The following SDC1 variants were observed in gnomAD, a reference collection of about 807,000 sequenced individuals.
SDC1 encodes syndecan 1.
SDC1 carries 14 observed loss-of-function variants against 29.7 expected under a neutral mutation model. The observed-to-expected ratio is 0.47, with a 90% CI of 0.31 to 0.74. The LOEUF is 0.74. Among genes scored for constraint, SDC1 ranks in the 30% least tolerant of loss-of-function variants. SDC1 has a pLI of 0.05. For missense variants in SDC1, 406 were observed against 400.3 expected, an observed-to-expected ratio of 1.01 and a Z score of -0.12; for synonymous variants, 204 against 175.5, an observed-to-expected ratio of 1.16 and a Z score of -1.29.
rs2148278109 is a variant in SDC1 at position 20,203,109 on chromosome 2, C to T, written c.741G>A (p.Leu247=). The T allele has an allele frequency of 6.2e-7, 1 of 1,611,380 alleles. No homozygotes were observed. Among genetic ancestry groups the T allele is most frequent in the South Asian group, 1.1e-5 (1 of 90,942 alleles). The change falls in exon 4 of 5, where the codon CTG becomes CTA. Residue 247 remains leucine (L), a synonymous_variant. Coordinates refer to ENST00000254351, the MANE Select transcript of SDC1 (RefSeq NM_002997.5). ...CACCTCCCAGCACCTCTTTCCTGTC[C>T]AGGAGGCCCTGTGAGGCCCCCGTGG... ...QGATGASQGL[L]DRKEVLGGVI... is the part of the protein sequence containing the mutation.
chr2:20,222,112 G>C (rs56195432), intron 1 of SDC1, among the ~76,000 whole-genome samples: 6,865 of 146,148 alleles, frequency 0.047, 189 homozygotes, highest in Admixed American at 0.086. Context: ...CACACACACA[G>C]AGAGAAAGAG....
rs1676987065 is a variant in SDC1 at position 20,201,005 on chromosome 2, C to T, written c.*1761G>A. ...CTTGGCTTGGTGGTGCATCTCTGAT[C>T]CACAGACTGGCCCACCTCTCGGAGT... On this transcript the variant is annotated 3_prime_UTR_variant, in exon 5 of 5. Coordinates refer to ENST00000254351, the MANE Select transcript of SDC1 (RefSeq NM_002997.5). 5 of 152,276 alleles carry T rather than the reference C, an allele frequency of 3.3e-5. No individual in the cohort carries two copies. Among genetic ancestry groups the T allele is most frequent in the Admixed American group, 2.0e-4 (3 of 15,280 alleles). The allele number at this position is 152,276 out of a possible 1,614,324, so 9.4% of individuals were successfully genotyped here.
chr2:20,209,395 C>T (rs1289004398), intron 1 of SDC1, among the ~76,000 whole-genome samples: 1 of 152,190 alleles, frequency 6.6e-6, no homozygotes, highest in African/African-American at 2.4e-5. Flanking sequence ...TTCTCTCTCC[C>T]CAGCCCTACC....
At position 20,201,288 on chromosome 2, in the gene SDC1, C is replaced by G. The variant is rs1212676595; in HGVS notation, c.*1478G>C. ...TGACATCAGCCTTATAAAACCTTGGCTGAACCTACCGACCTCCAGGAGAAT... is the reference window on the plus strand; with the variant it reads ...TGACATCAGCCTTATAAAACCTTGGGTGAACCTACCGACCTCCAGGAGAAT... On this transcript the variant is annotated 3_prime_UTR_variant, in exon 5 of 5. Coordinates refer to ENST00000254351, the MANE Select transcript of SDC1 (RefSeq NM_002997.5). 6.6e-6 allele frequency: 1 copy of G among 152,208 alleles called. No homozygotes were observed. Among genetic ancestry groups the G allele is most frequent in the African/African-American group, 2.4e-5 (1 of 41,446 alleles). 9.4% of individuals were successfully genotyped at this position (152,208 alleles called of 1,614,324 possible).
chr2:20,203,997 G>A lies in SDC1; in HGVS notation c.443C>T (p.Pro148Leu). The change falls in exon 3 of 5, where the codon CCC becomes CTC. Residue 148 changes from proline to leucine, a missense_variant. Pro to Leu is a moderately conservative substitution (Grantham distance 98, BLOSUM62 -3). Transcript: ENST00000254351. ...GTCCCTGTGGGGGTGGGAGGTGGCG[G>A]GCTCCTGGGCCGTGGTGGCTGTGGT... ...STTTATTAQE[P>L]ATSHPHRDMQ... The A allele has an allele frequency of 1.2e-6, 2 of 1,613,694 alleles. No homozygotes were observed. The highest frequency in any genetic ancestry group is 1.1e-5 in the South Asian group (1 of 91,066).
chr2:20,223,243 A>C (rs764873406), intron 1 of SDC1: 2 of 1,302,060 alleles, frequency 1.5e-6, no homozygotes, highest in Admixed American at 2.3e-5. Flanking sequence ...GGTCTCAGAA[A>C]CGACTGTCCC....
chr2:20,205,958 G>A (rs1677255694), intron 1 of SDC1, among the ~76,000 whole-genome samples: 1 of 152,232 alleles, frequency 6.6e-6, no homozygotes, highest in Non-Finnish European at 1.5e-5. Flanking sequence ...TGTGGATACC[G>A]AGGACGGCAC....
rs1677072408 is a variant in SDC1, at chr2:20,202,829, C to T, written c.870G>A (p.Glu290=). The T allele has an allele frequency of 6.2e-7, 1 of 1,613,722 alleles. No homozygotes were observed. ...AGGCCCCGCCGTTGGCTTGTTTCGGCTCCTCCAAGGAGTAGCTGCCTTCGT... is the reference window on the plus strand; with the variant it reads ...AGGCCCCGCCGTTGGCTTGTTTCGGTTCCTCCAAGGAGTAGCTGCCTTCGT... ...KKDEGSYSLE[E]PKQANGGAYQ... Residue 290 remains glutamate (E), a synonymous_variant, in exon 5 of 5, where the codon GAG becomes GAA. Transcript: ENST00000254351.
At chr2:20,209,644 G>A (rs901356157) in intron 1 of SDC1, among the ~76,000 whole-genome samples, 3 of 152,244 alleles carry the variant, frequency 2.0e-5, no homozygotes, top group South Asian at 2.1e-4. Context: ...TGTGGGCAGA[G>A]AGCTGGCAGA....
chr2:20,221,297 T>A (rs1471477124), intron 1 of SDC1, among the ~76,000 whole-genome samples: 1 of 152,154 alleles, frequency 6.6e-6, no homozygotes, highest in East Asian at 1.9e-4. Flanking sequence ...AGTAACAAAT[T>A]AGAACTGATC....
At chr2:20,223,280 T>C in intron 1 of SDC1, 3 of 1,297,886 alleles carry the variant, frequency 2.3e-6, no homozygotes, top group African/African-American at 3.0e-5. Flanking sequence ...AGACAGACTC[T>C]GTAAAGAAAA....
At position 20,201,631 on chromosome 2, in the gene SDC1, G is replaced by C. The variant is rs965729171; in HGVS notation, c.*1135C>G. 1 of 152,702 alleles carries C rather than the reference G, an allele frequency of 6.5e-6. No individual in the cohort carries two copies. The highest frequency in any genetic ancestry group is 1.9e-4 in the East Asian group (1 of 5,198). The allele number at this position is 152,702 out of a possible 1,614,324, so 9.5% of individuals were successfully genotyped here. ...TTCCTGATTCCAGCCCAGGGCCCAG[G>C]GTGGGGCCACAGGAGCTAACGGAGA... On this transcript the variant is annotated 3_prime_UTR_variant, in exon 5 of 5. Coordinates refer to ENST00000254351, the MANE Select transcript of SDC1 (RefSeq NM_002997.5).
At position 20,224,885 on chromosome 2, in the gene SDC1, CGG is replaced by C; in HGVS notation, c.-20_-19del. The stretch of plus-strand genomic sequence containing the variant: ...CGCCTCATGCTGCCCGGACCGGCGG[CGG>C]GAGAGCGGCAGGCTGCGCGGGTCGC... On this transcript the variant is annotated 5_prime_UTR_variant, in exon 1 of 5. Transcript: ENST00000254351. This position sits in a 1 kb window ranked among gnomAD's most constrained non-coding sequence, Gnocchi z 4.9. 3.3e-6 allele frequency: 4 copies of C among 1,216,998 alleles called. No individual in the cohort carries two copies. The highest frequency in any genetic ancestry group is 4.1e-6 in the Non-Finnish European group (4 of 979,474). The allele number at this position is 1,216,998 out of a possible 1,614,324, so 75.4% of individuals were successfully genotyped here.
chr2:20,212,013 GC>G (rs982094877), intron 1 of SDC1, among the ~76,000 whole-genome samples: 1 of 152,242 alleles, frequency 6.6e-6, no homozygotes, highest in African/African-American at 2.4e-5. Context: ...GCAGCTTTCA[GC>G]CTCTCTCTAG....
At chr2:20,216,008 G>A (rs1451040139) in intron 1 of SDC1, among the ~76,000 whole-genome samples, 1 of 152,254 alleles carries the variant, frequency 6.6e-6, no homozygotes, top group Non-Finnish European at 1.5e-5. Flanking sequence ...CCCACTGCAT[G>A]CCCAGCCTCC....
At chr2:20,213,244 G>A (rs1263513397) in intron 1 of SDC1, among the ~76,000 whole-genome samples, 4 of 152,222 alleles carry the variant, frequency 2.6e-5, no homozygotes, top group East Asian at 3.9e-4. Flanking sequence ...GCGTGGAGCC[G>A]TGGAGCTGGA....
In SDC1 at chr2:20,224,453, G is replaced by A. The variant is rs1426633200; in HGVS notation, c.66+349C>T. On this transcript the variant is annotated intron_variant, in intron 1 of 4. Transcript: ENST00000254351. The surrounding 1 kb of genome is among the most constrained non-coding windows in gnomAD (Gnocchi z 4.9). ...CTGCATCCCCCCGGGTCACCGACGGGGGCCCGGCCGCCGCGGTGGCCGGGG... is the reference window on the plus strand; with the variant it reads ...CTGCATCCCCCCGGGTCACCGACGGAGGCCCGGCCGCCGCGGTGGCCGGGG... 6.6e-6 allele frequency among the ~76,000 whole-genome samples: 1 copy of A among 151,762 alleles called. No homozygotes were observed. The highest frequency in any genetic ancestry group is 1.5e-5 in the Non-Finnish European group (1 of 67,898).
At chr2:20,210,748 C>T (rs963737691) in intron 1 of SDC1, among the ~76,000 whole-genome samples, 1 of 152,154 alleles carries the variant, frequency 6.6e-6, no homozygotes, top group Non-Finnish European at 1.5e-5. Flanking sequence ...GACCAGGGGC[C>T]ATGGCACTGG....
intron 2 of SDC1, among the ~76,000 whole-genome samples, chr2:20,204,671 C>T (rs1323837992): frequency 1.3e-5 from 2 of 152,132 alleles, no homozygotes; most frequent in Non-Finnish European, 2.9e-5. Flanking sequence ...AAAAAAGGCC[C>T]CCACTTCCAA....
Sources: gnomAD v4.1 joint callset for allele counts (sites outside exome capture counted in the v4.1 genomes callset) on GRCh38, gnomAD v4.1.1 for gene constraint, Gnocchi (gnomAD v3.1) non-coding constraint, MANE v1.5 for transcripts, NCBI Gene and HGNC (gene_info 2026-07-23, HGNC 2026-07-21) for gene names.